Variants in SNCAIP observed in about 807,000 individuals in gnomAD.
SNCAIP encodes synuclein alpha interacting protein, also known as synphilin-1.
Under a neutral mutation model 86.7 loss-of-function variants are expected in SNCAIP, and 43 were observed. That is an observed-to-expected ratio of 0.50 (90% CI 0.39 to 0.64). The LOEUF (loss-of-function observed/expected upper bound fraction) is 0.64. Among genes scored for constraint, SNCAIP ranks in the 30% least tolerant of loss-of-function variants. The pLI is 0.00. For missense variants in SNCAIP, 981 were observed against 1,103.1 expected (o/e 0.89, Z 1.57); for synonymous variants, 417 against 427.2 (o/e 0.98, Z 0.29).
At chr5:122,369,074 C>T (rs946540408) in intron 1 of SNCAIP, among the ~76,000 whole-genome samples, 3 of 152,192 alleles carry the variant, frequency 2.0e-5, no homozygotes, top group East Asian at 1.9e-4. Flanking sequence ...AGCACTCCCA[C>T]AGATGCTCCA....
intron 10 of SNCAIP, among the ~76,000 whole-genome samples, chr5:122,461,725 C>T (rs1786354978): frequency 2.0e-5 from 3 of 146,926 alleles, no homozygotes; most frequent in Non-Finnish European, 4.5e-5. Context: ...GTCACCCAGG[C>T]TGGAATGCAA....
intron 2 of SNCAIP, among the ~76,000 whole-genome samples, chr5:122,397,893 A>G (rs1770955257): frequency 1.3e-5 from 2 of 152,194 alleles, no homozygotes; most frequent in Admixed American, 6.6e-5. Context: ...TAAAAAGACA[A>G]GGGGGGTGAA....
At chr5:122,369,028 G>T (rs1457920629) in intron 1 of SNCAIP, among the ~76,000 whole-genome samples, 1 of 152,108 alleles carries the variant, frequency 6.6e-6, no homozygotes, top group African/African-American at 2.4e-5. Context: ...GTGAAGGATC[G>T]TCTTTGGTCA....
At chr5:122,444,374 G>A (rs1781817930) in intron 7 of SNCAIP, 189 bp from the exon 8 acceptor site, 1 of 647,136 alleles carries the variant, frequency 1.5e-6, no homozygotes, top group Non-Finnish European at 2.8e-6. Context: ...TATGTGGGCT[G>A]CAGATGAGCA....
intron 10 of SNCAIP, 22 bp downstream of exon 10, chr5:122,451,623 T>C: frequency 1.3e-6 from 2 of 1,486,256 alleles, no homozygotes; most frequent in Non-Finnish European, 1.9e-6. Flanking sequence ...TTGGAGAATA[T>C]TCTTTTTTTT....
At chr5:122,325,789 AT>A (rs948620887) in intron 1 of SNCAIP, among the ~76,000 whole-genome samples, 2 of 151,798 alleles carry the variant, frequency 1.3e-5, no homozygotes, top group East Asian at 3.9e-4. Flanking sequence ...GCATTCTTCA[AT>A]TTTTTTTGAG....
chr5:122,424,060 G>T (rs1245722710), intron 4 of SNCAIP, among the ~76,000 whole-genome samples: 1 of 152,112 alleles, frequency 6.6e-6, no homozygotes, highest in Non-Finnish European at 1.5e-5. Flanking sequence ...TTTTCAAATG[G>T]TTCCCAGTGC....
rs759725311 is a variant in SNCAIP at position 122,444,647 on chromosome 5, A to C, written c.1507A>C (p.Thr503Pro). The C allele has an allele frequency of 6.2e-7, 1 of 1,614,054 alleles. No homozygotes were observed. Among genetic ancestry groups the C allele is most frequent in the Non-Finnish European group, 8.5e-7 (1 of 1,179,926 alleles). ...PSQSAERQGH[T>P]LCSRYLVVVE... ...CCAGAGCGCCGAGCGGCAGGGGCACACCCTGTGCTCCAGGTACCTGGTGGT... is the reference window on the plus strand; with the variant it reads ...CCAGAGCGCCGAGCGGCAGGGGCACCCCCTGTGCTCCAGGTACCTGGTGGT... The change falls in exon 8 of 11, where the codon ACC becomes CCC. Residue 503 changes from threonine to proline, a missense_variant. Coordinates refer to ENST00000261368, the MANE Select transcript of SNCAIP (RefSeq NM_005460.4).
chr5:122,424,179 G>C (rs1776934512), intron 4 of SNCAIP, among the ~76,000 whole-genome samples: 2 of 152,154 alleles, frequency 1.3e-5, no homozygotes, highest in Admixed American at 1.3e-4. Flanking sequence ...AGAAGAATTG[G>C]ACCAGGTTGT....
At chr5:122,393,930 C>T (rs938262459) in intron 2 of SNCAIP, among the ~76,000 whole-genome samples, 6 of 152,154 alleles carry the variant, frequency 3.9e-5, no homozygotes, top group Non-Finnish European at 8.8e-5. Flanking sequence ...TGATTGTTCT[C>T]AGGCTGTTTA....
chr5:122,427,416 C>T (rs998605345), intron 5 of SNCAIP, among the ~76,000 whole-genome samples: 4 of 151,614 alleles, frequency 2.6e-5, no homozygotes. Context: ...ATTTCAAACC[C>T]ATAAGACTCA....
intron 3 of SNCAIP, among the ~76,000 whole-genome samples, chr5:122,417,354 T>C (rs1316641723): frequency 6.6e-6 from 1 of 152,206 alleles, no homozygotes; most frequent in Non-Finnish European, 1.5e-5. Flanking sequence ...GCTCTGTTAT[T>C]TGTAGACATT....
At chr5:122,403,030 A>G (rs896911064) in intron 2 of SNCAIP, among the ~76,000 whole-genome samples, 1 of 152,180 alleles carries the variant, frequency 6.6e-6, no homozygotes, top group Non-Finnish European at 1.5e-5. Flanking sequence ...TTGGCATCAC[A>G]TGTTGTCCTC....
intron 10 of SNCAIP, among the ~76,000 whole-genome samples, chr5:122,457,583 C>T (rs532973586): frequency 6.6e-6 from 1 of 152,222 alleles, no homozygotes; most frequent in East Asian, 1.9e-4. Flanking sequence ...TGTGTCCCCA[C>T]CCAACCCCGC....
At position 122,450,601 on chromosome 5, in the gene SNCAIP, C is replaced by G. The variant is rs757963048; in HGVS notation, c.1754C>G (p.Ala585Gly). ...CCAGATGCAGATGATGATTCTGTAG[C>G]CAAAAGCAAGCCAGGAGTCCAAGAG... Reference protein sequence around the residue: ...KSPDADDDSVAKSKPGVQEGI... With the variant: ...KSPDADDDSVGKSKPGVQEGI... The change falls in exon 10 of 11, where the codon GCC becomes GGC. Residue 585 changes from alanine (A) to glycine (G), a missense_variant. By Grantham distance (60) the Ala-to-Gly change is moderately conservative. Transcript: ENST00000261368. 1.2e-6 allele frequency: 2 copies of G among 1,614,058 alleles called. No individual in the cohort carries two copies. The highest frequency in any genetic ancestry group is 1.7e-6 in the Non-Finnish European group (2 of 1,179,968).
Position 122,450,974 on chromosome 5 carries a change from G to A in SNCAIP, c.2127G>A (p.Glu709=). 1 of 1,614,156 alleles carries A rather than the reference G, an allele frequency of 6.2e-7. No individual in the cohort carries two copies. Among genetic ancestry groups the A allele is most frequent in the Non-Finnish European group, 8.5e-7 (1 of 1,180,040 alleles). ...PRPQPIVESV[E]SMDSAESLHL... is the part of the protein sequence containing the mutation. Reference sequence around the variant, plus strand: ...CGCAGCCCATTGTAGAAAGCGTAGAGAGTATGGACAGCGCAGAAAGCCTGC... The same window carrying A: ...CGCAGCCCATTGTAGAAAGCGTAGAAAGTATGGACAGCGCAGAAAGCCTGC... Residue 709 remains glutamate (E), a synonymous_variant, in exon 10 of 11, where the codon GAG becomes GAA. Transcript: ENST00000261368.
At chr5:122,403,073 T>C (rs1337090557) in intron 2 of SNCAIP, among the ~76,000 whole-genome samples, 2 of 152,218 alleles carry the variant, frequency 1.3e-5, no homozygotes, top group Non-Finnish European at 2.9e-5. Flanking sequence ...ACATTTGTTT[T>C]AGCTCTTCCA....
At chr5:122,384,491 G>T (rs1476551300) in intron 1 of SNCAIP, among the ~76,000 whole-genome samples, 1 of 152,170 alleles carries the variant, frequency 6.6e-6, no homozygotes, top group Non-Finnish European at 1.5e-5. Context: ...AGCCCTGGTT[G>T]CGTGAATTTG....
At chr5:122,337,411 A>C (rs939107637) in intron 1 of SNCAIP, among the ~76,000 whole-genome samples, 6 of 152,154 alleles carry the variant, frequency 3.9e-5, no homozygotes, top group African/African-American at 1.4e-4. Context: ...TGCCTGAATG[A>C]TGTGTCTCTT....
Sources: gnomAD v4.1 joint callset for allele counts (sites outside exome capture counted in the v4.1 genomes callset) on GRCh38, gnomAD v4.1.1 for gene constraint, MANE v1.5 for transcripts, NCBI Gene and HGNC (gene_info 2026-07-23, HGNC 2026-07-21) for gene names.